RANBP2: variants seen among roughly 807,000 people sequenced by gnomAD.
RANBP2 encodes E3 SUMO-protein ligase RanBP2.
RANBP2 carries 57 observed loss-of-function variants against 303.6 expected under a neutral mutation model. That is an observed-to-expected ratio of 0.19 (90% CI 0.15 to 0.23). The LOEUF is 0.23. RANBP2 is among the 10% of genes least tolerant of loss of function. The pLI is 1.00. For missense variants in RANBP2, 3,138 were observed against 3,780.8 expected (o/e 0.83, Z 4.46); for synonymous variants, 1,167 against 1,301.5 (o/e 0.90, Z 2.23).
At chr2:108,882,957 G>A in the RANBP2 span, 166 of 152,034 alleles carry the variant, frequency 1.1e-3, no homozygotes, top group African/African-American at 3.4e-3. Context: ...AGGGTGTGAG[G>A]TAGGGGTTTA....
chr2:109,207,822 TA>T, the RANBP2 span, among the ~76,000 whole-genome samples: 16 of 152,224 alleles, frequency 1.1e-4, no homozygotes, highest in Admixed American at 5.9e-4. Context: ...TTTTCTTTTT[TA>T]AAAAAAATTA....
At chr2:108,719,770 C>T (rs1573664431) in intron 1 of RANBP2, 92 bp downstream of exon 1, 5 of 1,535,264 alleles carry the variant, frequency 3.3e-6, no homozygotes, top group East Asian at 4.9e-5. Flanking sequence ...GGGCGCTGCT[C>T]CCTGGCGCGC....
chr2:109,170,297 CTCTTCTCTTCTCTT>C, the RANBP2 span, among the ~76,000 whole-genome samples: 57 of 127,484 alleles, frequency 4.5e-4, 1 homozygote, highest in East Asian at 5.5e-3. Context: ...CTCTTCTCTT[CTCTTCTCTTCTCTT>C]CTCTCCTCTC....
chr2:109,146,998 T>C, the RANBP2 span, among the ~76,000 whole-genome samples: 1 of 148,544 alleles, frequency 6.7e-6, no homozygotes, highest in African/African-American at 2.5e-5. Flanking sequence ...CTGGGACTCA[T>C]CTCCCAACCT....
chr2:109,683,248 C>T, the RANBP2 span, among the ~76,000 whole-genome samples: 33 of 152,114 alleles, frequency 2.2e-4, no homozygotes, highest in Admixed American at 5.9e-4. Context: ...TCAGGTGGTC[C>T]GCCTGCCTCG....
At chr2:109,568,878 T>C in the RANBP2 span, among the ~76,000 whole-genome samples, 48,341 of 151,908 alleles carry the variant, frequency 0.32, 7,930 homozygotes, top group Admixed American at 0.42. Flanking sequence ...TTAAAAGTGT[T>C]CATGATGCAA....
At position 108,765,810 on chromosome 2, in the gene RANBP2, T is replaced by G. The variant is rs1677075385; in HGVS notation, c.5271T>G (p.Thr1757=). 6.2e-7 allele frequency: 1 copy of G among 1,613,990 alleles called. No individual in the cohort carries two copies. The highest frequency in any genetic ancestry group is 1.1e-5 in the South Asian group (1 of 91,084). ...CQCPSKQNQT[T]AISTPASSEI... is the part of the protein sequence containing the mutation. ...GTCCAAGTAAACAAAATCAAACAAC[T>G]GCAATTTCAACACCTGCCTCTTCGG... is the stretch of plus-strand genomic sequence containing the variant. The change falls in exon 20 of 29, where the codon ACT becomes ACG. Residue 1757 remains threonine, a synonymous_variant. Coordinates refer to ENST00000283195, the MANE Select transcript of RANBP2 (RefSeq NM_006267.5).
chr2:108,921,071 A>C, the RANBP2 span, among the ~76,000 whole-genome samples: 1 of 152,204 alleles, frequency 6.6e-6, no homozygotes, highest in African/African-American at 2.4e-5. Context: ...GAGTCATAAG[A>C]AACCCCCAGG....
At chr2:109,646,454 C>T in the RANBP2 span, among the ~76,000 whole-genome samples, 1 of 152,110 alleles carries the variant, frequency 6.6e-6, no homozygotes, top group Non-Finnish European at 1.5e-5. Flanking sequence ...GAGTAATGCT[C>T]TCCCCTGTAC....
the RANBP2 span, among the ~76,000 whole-genome samples, chr2:109,481,517 G>A: frequency 0.069 from 10,550 of 152,162 alleles, 809 homozygotes; most frequent in African/African-American, 0.18. Flanking sequence ...GTTATTGCTC[G>A]GGAAGTTTCC....
At chr2:109,168,638 C>T in the RANBP2 span, among the ~76,000 whole-genome samples, 1 of 149,908 alleles carries the variant, frequency 6.7e-6, no homozygotes, top group African/African-American at 2.5e-5. Context: ...AAATCGATGC[C>T]ATGGACTGGC....
chr2:108,720,439 A>G (rs1308046869), intron 1 of RANBP2, among the ~76,000 whole-genome samples: 2 of 151,978 alleles, frequency 1.3e-5, no homozygotes, highest in African/African-American at 4.8e-5. Flanking sequence ...TTTTAAGGGT[A>G]TTTTTCCTCT....
chr2:109,603,861 G>A, the RANBP2 span, among the ~76,000 whole-genome samples: 2 of 151,862 alleles, frequency 1.3e-5, no homozygotes, highest in African/African-American at 2.4e-5. Flanking sequence ...TGGTGAAACC[G>A]TCTCTAATTA....
chr2:108,723,323 A>C (rs1486299925), intron 1 of RANBP2, among the ~76,000 whole-genome samples: 1 of 147,286 alleles, frequency 6.8e-6, no homozygotes, highest in Non-Finnish European at 1.5e-5. Flanking sequence ...TCTATCGTCC[A>C]GGCTGGAGTG....
intron 15 of RANBP2, among the ~76,000 whole-genome samples, chr2:108,754,466 ACTC>A (rs1471493259): frequency 4.7e-5 from 7 of 149,310 alleles, no homozygotes; most frequent in Admixed American, 1.3e-4. Flanking sequence ...TTGTGTTACT[ACTC>A]TTTTATTAGG....
the RANBP2 span, among the ~76,000 whole-genome samples, chr2:109,691,957 A>AT: frequency 1.3e-4 from 19 of 151,436 alleles, no homozygotes; most frequent in African/African-American, 4.1e-4. Flanking sequence ...TAATTTTTGT[A>AT]TTTTTTAGTA....
At chr2:109,157,054 T>C in the RANBP2 span, among the ~76,000 whole-genome samples, 1 of 152,206 alleles carries the variant, frequency 6.6e-6, no homozygotes, top group Admixed American at 6.5e-5. Flanking sequence ...CATCTGACTG[T>C]GGGAAGGGCT....
chr2:109,547,352 T>C, the RANBP2 span, among the ~76,000 whole-genome samples: 4 of 149,820 alleles, frequency 2.7e-5, no homozygotes, highest in Non-Finnish European at 5.9e-5. Context: ...ATGTGAAATA[T>C]ACATGCTAAT....
chr2:108,974,269 G>A, the RANBP2 span, among the ~76,000 whole-genome samples: 1 of 130,620 alleles, frequency 7.7e-6, no homozygotes, highest in East Asian at 2.2e-4. Context: ...GGCGGAGCTT[G>A]CAGTGAGCTG....
Sources: gnomAD v4.1 joint callset for allele counts (sites outside exome capture counted in the v4.1 genomes callset) on GRCh38, gnomAD v4.1.1 for gene constraint, MANE v1.5 for transcripts, NCBI Gene and HGNC (gene_info 2026-07-23, HGNC 2026-07-21) for gene names.